EPS8: variants seen among roughly 807,000 people sequenced by gnomAD.
EPS8 encodes the protein epidermal growth factor receptor kinase substrate 8.
EPS8 carries 42 observed loss-of-function variants against 103.8 expected under a neutral mutation model. That is an observed-to-expected ratio of 0.40 (90% CI 0.32 to 0.52). The LOEUF (loss-of-function observed/expected upper bound fraction) is 0.52. EPS8 is among the 20% of genes least tolerant of loss of function. The probability of loss-of-function intolerance (pLI) is 0.40; values close to 1 mark genes in which losing one functional copy is unlikely to be tolerated. For missense variants in EPS8, 969 were observed against 1,005.1 expected (o/e 0.96, Z 0.49); for synonymous variants, 344 against 344.6 (o/e 1.00, Z 0.02).
rs1206420430 is a variant in EPS8 at position 15,747,413 on chromosome 12, G to GA, written c.-22+41747_-22+41748insT. Among the ~76,000 whole-genome samples, 1 of 152,140 alleles carries GA rather than the reference G, an allele frequency of 6.6e-6. No homozygotes were observed. The highest frequency in any genetic ancestry group is 1.5e-5 in the Non-Finnish European group (1 of 68,020). On this transcript the variant is annotated intron_variant, in intron 1 of 20. Coordinates refer to ENST00000281172, the MANE Select transcript of EPS8 (RefSeq NM_004447.6). The surrounding 1 kb of genome is among the most constrained non-coding windows in gnomAD (Gnocchi z 4.4). ...ACTCCATTTCCTAGAAACCCAATCT[G>GA]TTTTTCAAACCAAAATGCACTATTT...
At chr12:15,657,613 C>T (rs752973976) in intron 12 of EPS8, among the ~76,000 whole-genome samples, 4 of 152,106 alleles carry the variant, frequency 2.6e-5, no homozygotes, top group Non-Finnish European at 1.5e-5. Context: ...AGAACCAGTG[C>T]ATAAATGAAT....
At position 15,713,749 on chromosome 12, in the gene EPS8, G is replaced by C. The variant is rs1946497224; in HGVS notation, c.-21-30777C>G. 6.6e-6 allele frequency among the ~76,000 whole-genome samples: 1 copy of C among 152,170 alleles called. No homozygotes were observed. The highest frequency in any genetic ancestry group is 1.5e-5 in the Non-Finnish European group (1 of 68,034). ...CTGTCTTCAAAGGTCTATCCTCATA[G>C]TTAAAAAATGGTGTCGGGGAGGAGA... On this transcript the variant is annotated intron_variant, in intron 1 of 20. Transcript: ENST00000281172. The surrounding 1 kb of genome is among the most constrained non-coding windows in gnomAD (Gnocchi z 4.8).
rs1262097907 is a variant in EPS8, at chr12:15,748,486, T to C, written c.-22+40675A>G. ...TTTTAAAGTAGGACACACAAAACTC[T>C]ACAGAAACAATTTCAGTGAATTAAG... On this transcript the variant is annotated intron_variant, in intron 1 of 20. Coordinates refer to ENST00000281172, the MANE Select transcript of EPS8 (RefSeq NM_004447.6). The surrounding 1 kb of genome is among the most constrained non-coding windows in gnomAD (Gnocchi z 4.8). 2.6e-5 allele frequency among the ~76,000 whole-genome samples: 4 copies of C among 152,052 alleles called. No individual in the cohort carries two copies. The highest frequency in any genetic ancestry group is 4.8e-5 in the African/African-American group (2 of 41,432).
At chr12:15,637,407 A>G (rs1432487163) in intron 17 of EPS8, among the ~76,000 whole-genome samples, 1 of 152,226 alleles carries the variant, frequency 6.6e-6, no homozygotes, top group Non-Finnish European at 1.5e-5. Context: ...CTGGGGCCCA[A>G]TCCTGGCTTC....
chr12:15,724,037 CAG>C (rs1371593070), intron 1 of EPS8, among the ~76,000 whole-genome samples: 3 of 152,232 alleles, frequency 2.0e-5, no homozygotes, highest in Non-Finnish European at 4.4e-5. Context: ...ATTGACTTAA[CAG>C]AAAAATTCTA....
chr12:15,648,190 T>C (rs1418409406), intron 14 of EPS8, among the ~76,000 whole-genome samples: 1 of 152,212 alleles, frequency 6.6e-6, no homozygotes, highest in Non-Finnish European at 1.5e-5. Context: ...ACCCCTGCTA[T>C]AGAGAATACA....
chr12:15,665,723 T>C (rs755224189), intron 8 of EPS8, 33 bp downstream of exon 8: 1 of 1,610,316 alleles, frequency 6.2e-7, no homozygotes, highest in Non-Finnish European at 8.5e-7. Context: ...CCAAAGTAAG[T>C]GTTCAATAAG....
rs972852452 is a variant in EPS8, at chr12:15,752,191, T to C, written c.-22+36970A>G. On this transcript the variant is annotated intron_variant, in intron 1 of 20. Transcript: ENST00000281172. This position sits in a 1 kb window ranked among gnomAD's most constrained non-coding sequence, Gnocchi z 4.4. ...GGCCGGGCGTGGTGGCTCACGCCTG[T>C]AATCCCAGCACTTTGGGAGGCCGAG... Among the ~76,000 whole-genome samples the C allele has an allele frequency of 6.6e-6, 1 of 152,156 alleles. No individual in the cohort carries two copies. Among genetic ancestry groups the C allele is most frequent in the African/African-American group, 2.4e-5 (1 of 41,426 alleles).
chr12:15,621,242 C>T lies in EPS8; in HGVS notation c.*75G>A. ...CATCAAGAAAAATGAATCTGACATT[C>T]CCTTCAAGGCTTCTTAAAACAAAGC... On this transcript the variant is annotated 3_prime_UTR_variant, in exon 21 of 21. Coordinates refer to ENST00000281172, the MANE Select transcript of EPS8 (RefSeq NM_004447.6). 1 of 677,780 alleles carries T rather than the reference C, an allele frequency of 1.5e-6. No homozygotes were observed. Among genetic ancestry groups the T allele is most frequent in the East Asian group, 3.2e-5 (1 of 31,220 alleles). 42.0% of individuals were successfully genotyped at this position (677,780 alleles called of 1,614,324 possible). A position where few individuals can be genotyped will look rare whatever the true frequency, so the allele number is the denominator to read the frequency against.
chr12:15,733,808 A>C lies in EPS8; in HGVS notation c.-21-50836T>G, dbSNP rs970614851. Among the ~76,000 whole-genome samples, 1 of 152,200 alleles carries C rather than the reference A, an allele frequency of 6.6e-6. No homozygotes were observed. The highest frequency in any genetic ancestry group is 1.9e-4 in the East Asian group (1 of 5,204). On this transcript the variant is annotated intron_variant, in intron 1 of 20. Coordinates refer to ENST00000281172, the MANE Select transcript of EPS8 (RefSeq NM_004447.6). The surrounding 1 kb of genome is among the most constrained non-coding windows in gnomAD (Gnocchi z 4.8). Reference sequence around the variant, plus strand: ...GACTAGGCTTTTCTCCACAGCAAGAAATGTAAAAACATTGAAAATAATGTA... The same window carrying C: ...GACTAGGCTTTTCTCCACAGCAAGACATGTAAAAACATTGAAAATAATGTA...
In EPS8 at chr12:15,723,013, A is replaced by C. The variant is rs190326011; in HGVS notation, c.-21-40041T>G. ...CTGGATATCACTTGTTTGAAAAAAA[A>C]AAACAAACAAAAAAAAAACATTTTT... On this transcript the variant is annotated intron_variant, in intron 1 of 20. Transcript: ENST00000281172. Among the ~76,000 whole-genome samples, 356 of 151,856 alleles carry C rather than the reference A, an allele frequency of 2.3e-3. 2 individuals carry two copies. The highest frequency in any genetic ancestry group is 0.01 in the Middle Eastern group (3 of 294).
intron 1 of EPS8, among the ~76,000 whole-genome samples, chr12:15,737,425 C>T (rs891567782): frequency 1.3e-5 from 2 of 152,060 alleles, no homozygotes; most frequent in Non-Finnish European, 1.5e-5. Flanking sequence ...AGTTCCATCC[C>T]TCCTCCTTTC....
intron 1 of EPS8, among the ~76,000 whole-genome samples, chr12:15,691,041 C>T (rs1190859333): frequency 6.6e-6 from 1 of 151,956 alleles, no homozygotes; most frequent in Non-Finnish European, 1.5e-5. Flanking sequence ...TCTCTAGCAC[C>T]TCATCCAACT....
intron 9 of EPS8, among the ~76,000 whole-genome samples, chr12:15,661,742 A>T (rs1238741909): frequency 6.6e-6 from 1 of 152,238 alleles, no homozygotes; most frequent in Non-Finnish European, 1.5e-5. Context: ...AAATTGTACC[A>T]TTCCTGAAAT....
chr12:15,702,463 G>A lies in EPS8; in HGVS notation c.-21-19491C>T, dbSNP rs1946322639. Among the ~76,000 whole-genome samples, 1 of 152,060 alleles carries A rather than the reference G, an allele frequency of 6.6e-6. No individual in the cohort carries two copies. Among genetic ancestry groups the A allele is most frequent in the African/African-American group, 2.4e-5 (1 of 41,398 alleles). ...ATTATGTCATTAACATTTAAGTGTG[G>A]ATTATGAGATACTTTCTCCTAGGAT... is the stretch of plus-strand genomic sequence containing the variant. On this transcript the variant is annotated intron_variant, in intron 1 of 20. Coordinates refer to ENST00000281172, the MANE Select transcript of EPS8 (RefSeq NM_004447.6). This position sits in a 1 kb window ranked among gnomAD's most constrained non-coding sequence, Gnocchi z 5.1.
rs1946946922 is a variant in EPS8 at position 15,752,772 on chromosome 12, T to C, written c.-22+36389A>G. Among the ~76,000 whole-genome samples, 1 of 152,120 alleles carries C rather than the reference T, an allele frequency of 6.6e-6. No individual in the cohort carries two copies. Among genetic ancestry groups the C allele is most frequent in the Admixed American group, 6.6e-5 (1 of 15,264 alleles). Reference sequence around the variant, plus strand: ...ATAAAAATAGTAGGAAAATTAATTGTAATAACAGTAATAATTGTAATGCCT... The same window carrying C: ...ATAAAAATAGTAGGAAAATTAATTGCAATAACAGTAATAATTGTAATGCCT... On this transcript the variant is annotated intron_variant, in intron 1 of 20. Coordinates refer to ENST00000281172, the MANE Select transcript of EPS8 (RefSeq NM_004447.6). This position sits in a 1 kb window ranked among gnomAD's most constrained non-coding sequence, Gnocchi z 4.4.
intron 7 of EPS8, 24 bp from the exon 8 acceptor site, chr12:15,665,916 A>C: frequency 5.0e-6 from 8 of 1,609,262 alleles, no homozygotes; most frequent in Non-Finnish European, 6.8e-6. Flanking sequence ...AAACAAATAG[A>C]ATTTTTACCA....
rs559544913 is a variant in EPS8 at position 15,742,051 on chromosome 12, T to C, written c.-22+47110A>G. The stretch of plus-strand genomic sequence containing the variant: ...CTACAAAGGACATGAACTCATCCTT[T>C]TTTATGGCTGCATAGTATTCCATGG... On this transcript the variant is annotated intron_variant, in intron 1 of 20. Coordinates refer to ENST00000281172, the MANE Select transcript of EPS8 (RefSeq NM_004447.6). 1.1e-4 allele frequency among the ~76,000 whole-genome samples: 17 copies of C among 152,342 alleles called. No individual in the cohort carries two copies. The South Asian group carries it at 3.5e-3, about 32-fold the overall frequency.
intron 1 of EPS8, among the ~76,000 whole-genome samples, chr12:15,773,464 T>C (rs569821156): frequency 6.6e-6 from 1 of 152,006 alleles, no homozygotes; most frequent in South Asian, 2.1e-4. Flanking sequence ...CAGGACCAAA[T>C]TATGTGTTAA....
Sources: allele counts gnomAD v4.1 joint callset (sites outside exome capture counted in the v4.1 genomes callset), GRCh38; gene constraint gnomAD v4.1.1; non-coding constraint Gnocchi (gnomAD v3.1); transcripts MANE v1.5; gene names NCBI Gene and HGNC (gene_info 2026-07-23, HGNC 2026-07-21).